The following TM7SF3 variants were observed in gnomAD, a reference collection of about 807,000 sequenced individuals.
TM7SF3 encodes transmembrane 7 superfamily member 3, also known as seven span transmembrane protein.
Under a neutral mutation model 65.5 loss-of-function variants are expected in TM7SF3, and 60 were observed. That is an observed-to-expected ratio of 0.92 (90% CI 0.74 to 1.14). The LOEUF (loss-of-function observed/expected upper bound fraction) is 1.14, where lower values mean the gene tolerates loss of function less well. TM7SF3 is among the 50% of genes most tolerant of loss of function. The pLI, the probability that TM7SF3 is intolerant of heterozygous loss-of-function variation, is 0.00. For synonymous variants in TM7SF3, 264 were observed against 259.6 expected (o/e 1.02, Z -0.16); for missense variants, 623 against 684.8 (o/e 0.91, Z 1.01).
chr12:26,990,583 G>A lies in TM7SF3; in HGVS notation c.735C>T (p.Ser245=). The A allele has an allele frequency of 6.2e-7, 1 of 1,614,044 alleles. No homozygotes were observed. Among genetic ancestry groups the A allele is most frequent in the Non-Finnish European group, 8.5e-7 (1 of 1,179,920 alleles). Residue 245 remains serine (S), a synonymous_variant, in exon 6 of 12, where the codon TCC becomes TCT. Transcript: ENST00000343028. The part of the protein sequence containing the change: ...TANDKTSVSF[S]SLPGQGVIYN... ...ATATGACACCTTGTCCCGGGAGGGA[G>A]GAGAAGGAAACACTTGTCTTATCAT...
chr12:26,973,925 A>T lies in TM7SF3; in HGVS notation c.*40T>A. ...AGACTGTTGAACCACTCCAGGCATG[A>T]ACTCCAAAGCTGAGGCACACTGACC... On this transcript the variant is annotated 3_prime_UTR_variant, in exon 12 of 12. Coordinates refer to ENST00000343028, the MANE Select transcript of TM7SF3 (RefSeq NM_016551.3). 1 of 1,601,466 alleles carries T rather than the reference A, an allele frequency of 6.2e-7. No homozygotes were observed. The highest frequency in any genetic ancestry group is 8.5e-7 in the Non-Finnish European group (1 of 1,175,402).
chr12:27,007,593 C>T (rs1208638419), intron 1 of TM7SF3, among the ~76,000 whole-genome samples: 1 of 151,808 alleles, frequency 6.6e-6, no homozygotes, highest in Non-Finnish European at 1.5e-5. Context: ...AATCAAAATC[C>T]CTGGGGCTAA....
chr12:26,996,144 T>C (rs897175749), intron 4 of TM7SF3, among the ~76,000 whole-genome samples: 8 of 150,882 alleles, frequency 5.3e-5, no homozygotes, highest in Non-Finnish European at 8.8e-5. Context: ...AAAGACCTCA[T>C]CTTTGATTTA....
intron 5 of TM7SF3, among the ~76,000 whole-genome samples, chr12:26,991,010 T>C (rs969985548): frequency 2.0e-5 from 3 of 152,184 alleles, no homozygotes; most frequent in African/African-American, 4.8e-5. Context: ...ACACAGAGGA[T>C]GTGTCCAATG....
At chr12:26,982,584 C>T (rs1340205168) in intron 7 of TM7SF3, among the ~76,000 whole-genome samples, 189 bp downstream of exon 7, 1 of 152,148 alleles carries the variant, frequency 6.6e-6, no homozygotes, top group Non-Finnish European at 1.5e-5. Flanking sequence ...GAAGGTTATA[C>T]TCCGCTGTAG....
intron 8 of TM7SF3, 34 bp downstream of exon 8, chr12:26,980,532 G>T: frequency 9.1e-7 from 1 of 1,101,882 alleles, no homozygotes; most frequent in African/African-American, 1.6e-5. Flanking sequence ...CTGCCTTCTT[G>T]AATACCCAGT....
intron 9 of TM7SF3, 194 bp downstream of exon 9, chr12:26,979,590 T>C: frequency 1.7e-6 from 1 of 600,252 alleles, no homozygotes; most frequent in East Asian, 2.8e-5. Flanking sequence ...CTATATTTCA[T>C]CTACTGTGCC....
chr12:26,993,063 G>A (rs771866011), intron 5 of TM7SF3, among the ~76,000 whole-genome samples: 3 of 151,802 alleles, frequency 2.0e-5, no homozygotes, highest in Non-Finnish European at 4.4e-5. Flanking sequence ...GCACCACCAC[G>A]CCTGGAACTT....
At chr12:26,995,128 C>T in intron 5 of TM7SF3, 109 bp downstream of exon 5, 1 of 1,148,680 alleles carries the variant, frequency 8.7e-7, no homozygotes, top group Non-Finnish European at 1.2e-6. Flanking sequence ...TGAGTGTCCC[C>T]CAAAAAGGAG....
At chr12:26,997,238 C>A (rs1322936978) in intron 3 of TM7SF3, among the ~76,000 whole-genome samples, 1 of 152,200 alleles carries the variant, frequency 6.6e-6, no homozygotes, top group East Asian at 1.9e-4. Flanking sequence ...AAACAGGCAG[C>A]AAGCTGGATC....
intron 9 of TM7SF3, chr12:26,979,535 C>A (rs1310156736): frequency 1.8e-5 from 9 of 490,082 alleles, no homozygotes; most frequent in Non-Finnish European, 2.9e-5. Flanking sequence ...TAAACACATA[C>A]CACTTATCAC....
chr12:26,984,449 CAA>C (rs61259350), intron 6 of TM7SF3, among the ~76,000 whole-genome samples: 3 of 141,608 alleles, frequency 2.1e-5, no homozygotes, highest in Non-Finnish European at 3.1e-5. Flanking sequence ...AAACGAAAAA[CAA>C]AAAAAAAAAA....
In TM7SF3 at chr12:26,973,945, C is replaced by G. The variant is rs200192729; in HGVS notation, c.*20G>C. Reference sequence around the variant, plus strand: ...GCATGAACTCCAAAGCTGAGGCACACTGACCAAGCCCCTGGGCATCTACAG... The same window carrying G: ...GCATGAACTCCAAAGCTGAGGCACAGTGACCAAGCCCCTGGGCATCTACAG... On this transcript the variant is annotated 3_prime_UTR_variant, in exon 12 of 12. Coordinates refer to ENST00000343028, the MANE Select transcript of TM7SF3 (RefSeq NM_016551.3). 2.4e-5 allele frequency: 39 copies of G among 1,610,646 alleles called. No homozygotes were observed. In the African/African-American group the frequency reaches 4.3e-4, roughly 18 times the overall value.
At chr12:26,979,006 AG>A (rs1444430704) in intron 9 of TM7SF3, 1 of 152,110 alleles carries the variant, frequency 6.6e-6, no homozygotes, top group Non-Finnish European at 1.5e-5. Context: ...ACTATCCAGT[AG>A]TCTTAGAAAA....
intron 1 of TM7SF3, chr12:27,012,869 G>C (rs886269510): frequency 2.7e-6 from 1 of 372,304 alleles, no homozygotes; most frequent in Non-Finnish European, 5.3e-6. Flanking sequence ...GTGGTGGCGG[G>C]CGCCTGTAAT....
At chr12:26,992,905 CT>C (rs1202323508) in intron 5 of TM7SF3, among the ~76,000 whole-genome samples, 11,312 of 109,888 alleles carry the variant, frequency 0.1, 220 homozygotes, top group African/African-American at 0.13. Context: ...TCCCTAATGT[CT>C]TTTTTTTTTT....
chr12:26,983,935 A>C (rs1939927681), intron 6 of TM7SF3, among the ~76,000 whole-genome samples: 1 of 152,224 alleles, frequency 6.6e-6, no homozygotes, highest in Non-Finnish European at 1.5e-5. Flanking sequence ...ACTAAAACCC[A>C]AAACAAGACA....
chr12:26,977,872 G>A, intron 9 of TM7SF3: 1 of 279,028 alleles, frequency 3.6e-6, no homozygotes, highest in South Asian at 3.1e-5. Context: ...GGAGGCCGAG[G>A]TGGGAGGACT....
intron 9 of TM7SF3, among the ~76,000 whole-genome samples, chr12:26,977,766 ATGTG>A (rs10608992): frequency 0.33 from 49,524 of 148,120 alleles, 8,498 homozygotes; most frequent in Admixed American, 0.46. Flanking sequence ...GAAAAAAATA[ATGTG>A]TGTGTGTGTG....
Sources: gnomAD v4.1 joint callset for allele counts (sites outside exome capture counted in the v4.1 genomes callset) on GRCh38, gnomAD v4.1.1 for gene constraint, MANE v1.5 for transcripts, NCBI Gene and HGNC (gene_info 2026-07-23, HGNC 2026-07-21) for gene names.